Variants in PEBP4 observed in about 807,000 individuals in gnomAD.
PEBP4 encodes phosphatidylethanolamine binding protein 4, also known as phosphatidylethanolamine-binding protein 4.
In PEBP4, 22 loss-of-function variants were observed where a neutral mutation model predicts 23.9. That is an observed-to-expected ratio of 0.92 (90% CI 0.66 to 1.31). PEBP4 has a LOEUF of 1.31. Among genes scored for constraint, PEBP4 ranks in the 40% most tolerant of loss-of-function variants. PEBP4 has a pLI of 0.00. For synonymous variants in PEBP4, 112 were observed against 99.3 expected (o/e 1.13, Z -0.76); for missense variants, 324 against 281.7 (o/e 1.15, Z -1.07).
chr8:22,713,630 C>G (rs1585231706), intron 6 of PEBP4, 94 bp from the exon 7 acceptor site: 1 of 1,561,152 alleles, frequency 6.4e-7, no homozygotes, highest in East Asian at 2.3e-5. Context: ...CTCGTGGGAG[C>G]CGAGGCAGCA....
intron 6 of PEBP4, among the ~76,000 whole-genome samples, chr8:22,719,750 C>T (rs13271643): frequency 0.054 from 8,219 of 152,102 alleles, 287 homozygotes; most frequent in Middle Eastern, 0.11. Flanking sequence ...GGGGTGATGG[C>T]CACTGTCCTG....
chr8:22,733,725 C>A (rs1011142159), intron 4 of PEBP4, among the ~76,000 whole-genome samples: 1 of 151,360 alleles, frequency 6.6e-6, no homozygotes, highest in Non-Finnish European at 1.5e-5. Flanking sequence ...TGGGTGCAAA[C>A]CCCGGTCAGA....
chr8:22,851,542 G>A (rs922800312), intron 3 of PEBP4, among the ~76,000 whole-genome samples: 2 of 152,092 alleles, frequency 1.3e-5, no homozygotes, highest in African/African-American at 4.8e-5. Context: ...ACTTGCCCAA[G>A]ACCACACAGG....
At chr8:22,824,270 A>G (rs1194386680) in intron 3 of PEBP4, among the ~76,000 whole-genome samples, 4 of 151,618 alleles carry the variant, frequency 2.6e-5, no homozygotes, top group Non-Finnish European at 4.4e-5. Flanking sequence ...GCACTCAAGG[A>G]AAAAAAAAGT....
chr8:22,784,046 T>C lies in PEBP4; in HGVS notation c.357+33591A>G, dbSNP rs371789549. On this transcript the variant is annotated intron_variant, in intron 4 of 6. Coordinates refer to ENST00000256404, the MANE Select transcript of PEBP4 (RefSeq NM_144962.3). ...GCTCTCATTGACCTTGGGAAGGTCA[T>C]GCAACCTCTCTGGGCCTCAATGTCC... Among the ~76,000 whole-genome samples, 44 of 152,320 alleles carry C rather than the reference T, an allele frequency of 2.9e-4. No individual in the cohort carries two copies. The South Asian group carries it at 8.9e-3, about 31-fold the overall frequency.
intron 1 of PEBP4, among the ~76,000 whole-genome samples, chr8:22,940,503 T>G (rs970906809): frequency 2.7e-5 from 4 of 146,236 alleles, no homozygotes; most frequent in Non-Finnish European, 4.5e-5. Context: ...TTTTTTTTTT[T>G]TTCGAGACGG....
chr8:22,856,296 AT>A (rs1241770482), intron 3 of PEBP4, among the ~76,000 whole-genome samples: 1 of 152,200 alleles, frequency 6.6e-6, no homozygotes, highest in East Asian at 1.9e-4. Context: ...TTAGGGTACT[AT>A]TTTTTACTTG....
At chr8:22,819,883 G>A (rs1482220108) in intron 3 of PEBP4, among the ~76,000 whole-genome samples, 1 of 152,214 alleles carries the variant, frequency 6.6e-6, no homozygotes, top group Non-Finnish European at 1.5e-5. Flanking sequence ...TGGAATTACA[G>A]GCGTGAGCCA....
intron 3 of PEBP4, among the ~76,000 whole-genome samples, chr8:22,857,271 C>T (rs529448522): frequency 5.1e-4 from 76 of 149,016 alleles, no homozygotes; most frequent in Admixed American, 1.5e-3. Context: ...CACACACACA[C>T]TTACTCACTC....
At chr8:22,847,647 C>A (rs1256794582) in intron 3 of PEBP4, among the ~76,000 whole-genome samples, 1 of 152,132 alleles carries the variant, frequency 6.6e-6, no homozygotes, top group Non-Finnish European at 1.5e-5. Flanking sequence ...CCAGGCAGCC[C>A]CAGGAAGTAG....
intron 4 of PEBP4, among the ~76,000 whole-genome samples, chr8:22,741,301 G>A (rs7000906): frequency 2.2e-3 from 340 of 152,262 alleles, no homozygotes; most frequent in African/African-American, 7.4e-3. Context: ...GCCTGCCTTC[G>A]TCAACCCAGA....
rs181471533 is a variant in PEBP4 at position 22,737,446 on chromosome 8, G to T, written c.358-10226C>A. ...ACCTCTTGCGGAGTGCCCGTGGTGC[G>T]CAGGCATCTCGCCATGGTCTTTACG... On this transcript the variant is annotated intron_variant, in intron 4 of 6. Transcript: ENST00000256404. 5.2e-4 allele frequency among the ~76,000 whole-genome samples: 79 copies of T among 152,298 alleles called. No homozygotes were observed. The South Asian group carries it at 8.1e-3, about 16-fold the overall frequency.
At chr8:22,822,814 A>G (rs1806889920) in intron 3 of PEBP4, among the ~76,000 whole-genome samples, 1 of 152,056 alleles carries the variant, frequency 6.6e-6, no homozygotes, top group Non-Finnish European at 1.5e-5. Flanking sequence ...ACTTGGATAG[A>G]AAAAGAAATA....
At chr8:22,939,160 T>C (rs559909830) in intron 1 of PEBP4, among the ~76,000 whole-genome samples, 42 of 152,320 alleles carry the variant, frequency 2.8e-4, no homozygotes, top group African/African-American at 9.9e-4. Context: ...AAGAATTACA[T>C]CAAACTTCCC....
chr8:22,743,109 C>T (rs1805033264), intron 4 of PEBP4, among the ~76,000 whole-genome samples: 1 of 152,172 alleles, frequency 6.6e-6, no homozygotes. Context: ...CCTCTTATGC[C>T]AGCCTCCTGT....
chr8:22,816,832 G>A (rs1207336703), intron 4 of PEBP4, among the ~76,000 whole-genome samples: 1 of 152,192 alleles, frequency 6.6e-6, no homozygotes, highest in African/African-American at 2.4e-5. Flanking sequence ...TCCCCAAAGA[G>A]CACTGCCAGG....
At chr8:22,821,223 T>G (rs1437755003) in intron 3 of PEBP4, among the ~76,000 whole-genome samples, 2 of 151,914 alleles carry the variant, frequency 1.3e-5, no homozygotes, top group Non-Finnish European at 2.9e-5. Context: ...GGAAGACACA[T>G]GATGAGACAT....
chr8:22,854,926 ATGTGTGTGTGTG>A (rs113480248), intron 3 of PEBP4, among the ~76,000 whole-genome samples: 3 of 133,218 alleles, frequency 2.3e-5, no homozygotes, highest in Non-Finnish European at 3.2e-5. Flanking sequence ...TGAGATTAGA[ATGTGTGTGTGTG>A]TGTGTGTGTG....
At chr8:22,920,342 C>T in intron 2 of PEBP4, 32 bp from the exon 3 acceptor site, 10 of 1,597,094 alleles carry the variant, frequency 6.3e-6, no homozygotes, top group Non-Finnish European at 8.6e-6. Context: ...TGCCCTGTGT[C>T]AGGGTTTTAA....
Sources: gnomAD v4.1 joint callset for allele counts (sites outside exome capture counted in the v4.1 genomes callset) on GRCh38, gnomAD v4.1.1 for gene constraint, MANE v1.5 for transcripts, NCBI Gene and HGNC (gene_info 2026-07-23, HGNC 2026-07-21) for gene names.